The following ENSA variants were observed in gnomAD, a reference collection of about 807,000 sequenced individuals.
The protein encoded by ENSA is alpha-endosulfine.
A neutral mutation model predicts 16.8 loss-of-function variants in ENSA; 7 were observed. The observed-to-expected ratio is 0.42, with a 90% CI of 0.24 to 0.78. ENSA has a LOEUF of 0.78. Ranked by LOEUF, ENSA falls within the 30% of genes least tolerant of loss-of-function variation. ENSA has a pLI of 0.29. For synonymous variants in ENSA, 58 were observed against 53.4 expected, an observed-to-expected ratio of 1.09 and a Z score of -0.37; for missense variants, 87 against 142.3, an observed-to-expected ratio of 0.61 and a Z score of 1.98.
chr1:150,624,347 A>G (rs761693369), intron 3 of ENSA: 36 of 985,882 alleles, frequency 3.7e-5, no homozygotes, highest in Non-Finnish European at 4.3e-5. Context: ...CTGCAGGAGT[A>G]CTCAGCCCCA....
intron 1 of ENSA, chr1:150,629,119 A>T: frequency 6.2e-7 from 1 of 1,613,846 alleles, no homozygotes; most frequent in Non-Finnish European, 8.5e-7. Context: ...CTTTCCATTC[A>T]CCGTCTTTCC....
chr1:150,624,331 C>G (rs1193925187), intron 3 of ENSA: 3 of 985,822 alleles, frequency 3.0e-6, no homozygotes, highest in Non-Finnish European at 2.4e-6. Context: ...ACCTGTTCCT[C>G]CAGCCCTGCA....
chr1:150,627,406 A>G, intron 2 of ENSA, 61 bp downstream of exon 2: 1 of 1,614,242 alleles, frequency 6.2e-7, no homozygotes, highest in Non-Finnish European at 8.5e-7. Context: ...ACCTCTACAG[A>G]CTTCATTCGA....
At chr1:150,626,747 G>A (rs781762797) in intron 2 of ENSA, among the ~76,000 whole-genome samples, 73 of 152,118 alleles carry the variant, frequency 4.8e-4, no homozygotes, top group Non-Finnish European at 8.4e-4. Flanking sequence ...TAATAGAGAC[G>A]GGGTTTCACT....
chr1:150,627,795 C>A (rs1649455881), intron 1 of ENSA, among the ~76,000 whole-genome samples: 1 of 152,176 alleles, frequency 6.6e-6, no homozygotes, highest in Non-Finnish European at 1.5e-5. Flanking sequence ...CAAGCTGCTT[C>A]TCACACTTCA....
chr1:150,629,584 G>A lies in ENSA; in HGVS notation c.-114C>T. The A allele has an allele frequency of 7.3e-7, 1 of 1,373,120 alleles. No homozygotes were observed. Among genetic ancestry groups the A allele is most frequent in the Non-Finnish European group, 1.0e-6 (1 of 1,003,144 alleles). 85.1% of individuals were successfully genotyped at this position (1,373,120 alleles called of 1,614,324 possible). ...TGCTTCGGCTCCTGTCACTAGGGTTGCTCAGTCAAAATGGCGGCCCTTGCC... is the reference window on the plus strand; with the variant it reads ...TGCTTCGGCTCCTGTCACTAGGGTTACTCAGTCAAAATGGCGGCCCTTGCC... On this transcript the variant is annotated 5_prime_UTR_variant, in exon 1 of 4. Transcript: ENST00000369014.
At chr1:150,626,541 G>C in intron 2 of ENSA, 1 of 1,611,508 alleles carries the variant, frequency 6.2e-7, no homozygotes. Context: ...AGTCATTGCA[G>C]AGGAGAGTAA....
At chr1:150,627,225 T>C (rs1163108516) in intron 2 of ENSA, 1 of 1,508,136 alleles carries the variant, frequency 6.6e-7, no homozygotes, top group East Asian at 2.3e-5. Context: ...TTTCCCTCAT[T>C]TCCCCACACA....
intron 2 of ENSA, among the ~76,000 whole-genome samples, chr1:150,626,790 C>T (rs587681347): frequency 7.9e-5 from 12 of 152,270 alleles, no homozygotes; most frequent in Admixed American, 3.9e-4. Context: ...GTGCTCCGCC[C>T]GCCTCGGCCT....
At chr1:150,624,129 G>T in intron 3 of ENSA, 1 of 985,410 alleles carries the variant, frequency 1.0e-6, no homozygotes, top group Non-Finnish European at 1.2e-6. Flanking sequence ...CAAGCTGGTG[G>T]TAACTAGATT....
At chr1:150,627,718 C>G (rs1182670397) in intron 1 of ENSA, 126 bp from the exon 2 acceptor site, 2 of 1,006,768 alleles carry the variant, frequency 2.0e-6, no homozygotes, top group Non-Finnish European at 2.9e-6. Context: ...TATCTCTACT[C>G]TGCTGTTAAA....
At chr1:150,626,364 G>A in intron 2 of ENSA, 2 of 953,422 alleles carry the variant, frequency 2.1e-6, no homozygotes, top group Non-Finnish European at 3.3e-6. Context: ...CCATGACTGT[G>A]ACAGCCTGCC....
chr1:150,622,089 C>T (rs779288831), downstream of ENSA: 2 of 152,188 alleles, frequency 1.3e-5, no homozygotes, highest in Non-Finnish European at 2.9e-5. Flanking sequence ...TTCCCCCTCC[C>T]AAACCCCAAT....
At chr1:150,626,116 CTT>C (rs1439467386) in intron 2 of ENSA, among the ~76,000 whole-genome samples, 12 of 152,172 alleles carry the variant, frequency 7.9e-5, no homozygotes, top group Non-Finnish European at 1.8e-4. Context: ...ACCAAAATCA[CTT>C]ATTCATAAAG....
intron 3 of ENSA, chr1:150,623,604 G>A (rs965158805): frequency 1.3e-4 from 130 of 984,194 alleles, no homozygotes; most frequent in Non-Finnish European, 1.3e-4. Context: ...TGAGAAGATC[G>A]GAGATGAAGA....
At position 150,623,906 on chromosome 1, in the gene ENSA, T is replaced by C. The variant is rs113682116; in HGVS notation, c.351-1047A>G. On this transcript the variant is annotated intron_variant, in intron 3 of 3. Coordinates refer to ENST00000369014, the MANE Select transcript of ENSA (RefSeq NM_004436.4). ...TTTGAATGACAGCCTGAACACTGAATGGCCAGTCAGGAGAAAGGCATATAC... is the reference window on the plus strand; with the variant it reads ...TTTGAATGACAGCCTGAACACTGAACGGCCAGTCAGGAGAAAGGCATATAC... 430 of 985,482 alleles carry C rather than the reference T, an allele frequency of 4.4e-4. 5 individuals carry two copies. In the African/African-American group the frequency reaches 6.6e-3, roughly 15 times the overall value. 61.0% of individuals were successfully genotyped at this position (985,482 alleles called of 1,614,324 possible).
chr1:150,625,360 C>T, intron 3 of ENSA: 1 of 1,116,448 alleles, frequency 9.0e-7, no homozygotes, highest in Non-Finnish European at 1.1e-6. Flanking sequence ...TCTCCAGTTT[C>T]TCACACAAAA....
intron 1 of ENSA, among the ~76,000 whole-genome samples, chr1:150,628,131 TACA>T (rs746985551): frequency 1.4e-4 from 22 of 152,240 alleles, no homozygotes; most frequent in Non-Finnish European, 2.6e-4. Flanking sequence ...ACCCCGTCTC[TACA>T]ACAACAAAAA....
chr1:150,623,182 G>C (rs1649075614), intron 3 of ENSA: 1 of 1,149,140 alleles, frequency 8.7e-7, no homozygotes, highest in Non-Finnish European at 1.1e-6. Flanking sequence ...CTCAGAGCAG[G>C]CTGTTTCAGA....
Sources: allele counts gnomAD v4.1 joint callset (sites outside exome capture counted in the v4.1 genomes callset), GRCh38; gene constraint gnomAD v4.1.1; transcripts MANE v1.5; gene names NCBI Gene and HGNC (gene_info 2026-07-23, HGNC 2026-07-21).